The following PHF24 variants were observed in gnomAD, a reference collection of about 807,000 sequenced individuals.
PHF24 encodes the protein Galpha inhibitory interacting protein.
A neutral mutation model predicts 42.6 loss-of-function variants in PHF24; 25 were observed. The observed-to-expected ratio is 0.59, with a 90% confidence interval of 0.43 to 0.82. PHF24 has a LOEUF of 0.82. Ranked by LOEUF, PHF24 falls within the 40% of genes least tolerant of loss-of-function variation. The pLI, the probability that PHF24 is intolerant of heterozygous loss-of-function variation, is 0.00. For synonymous variants in PHF24, 185 were observed against 204.8 expected, an observed-to-expected ratio of 0.90 and a Z score of 0.83; for missense variants, 470 against 538.1, an observed-to-expected ratio of 0.87 and a Z score of 1.25.
the PHF24 span, among the ~76,000 whole-genome samples, chr9:34,915,239 C>T: frequency 7.3e-5 from 11 of 151,686 alleles, no homozygotes; most frequent in Admixed American, 3.9e-4. Context: ...TCACCAGACA[C>T]ATTTATTTTA....
At chr9:34,922,542 T>A in the PHF24 span, 2 of 985,432 alleles carry the variant, frequency 2.0e-6, no homozygotes, top group Non-Finnish European at 3.3e-6. Context: ...AGCCAAGTAA[T>A]GGTAGTGATC....
chr9:34,728,220 A>G, the PHF24 span: 1 of 704,226 alleles, frequency 1.4e-6, no homozygotes, highest in Admixed American at 3.0e-5. Context: ...GGCATGTCTG[A>G]GTACAGCATC....
the PHF24 span, among the ~76,000 whole-genome samples, chr9:34,705,451 CT>C: frequency 0.11 from 17,106 of 152,152 alleles, 2,038 homozygotes; most frequent in African/African-American, 0.3. Context: ...ACACCAGCTA[CT>C]TTTTTTTATT....
chr9:34,772,991 G>GT, the PHF24 span, among the ~76,000 whole-genome samples: 1,196 of 136,728 alleles, frequency 8.7e-3, 4 homozygotes, highest in Middle Eastern at 0.026. Context: ...TCAGAGTTCT[G>GT]TTTTTTTTTT....
chr9:34,753,350 G>A, the PHF24 span, among the ~76,000 whole-genome samples: 1 of 151,986 alleles, frequency 6.6e-6, no homozygotes, highest in African/African-American at 2.4e-5. Context: ...AATTCTATAT[G>A]TAATAACAAT....
chr9:34,871,592 A>G, the PHF24 span, among the ~76,000 whole-genome samples: 1 of 152,046 alleles, frequency 6.6e-6, no homozygotes, highest in Admixed American at 6.6e-5. Flanking sequence ...TAGGTCTATG[A>G]TCCATTTTGA....
the PHF24 span, chr9:34,917,732 G>T: frequency 4.9e-6 from 4 of 819,606 alleles, no homozygotes; most frequent in African/African-American, 5.0e-5. Context: ...CTGCTTGTAT[G>T]CTGGAGTCAG....
chr9:34,967,723 A>T (rs1281509584), intron 1 of PHF24, among the ~76,000 whole-genome samples: 1 of 152,224 alleles, frequency 6.6e-6, no homozygotes, highest in Non-Finnish European at 1.5e-5. Context: ...CAGCCCTGTC[A>T]CTTCAAGAAC....
the PHF24 span, among the ~76,000 whole-genome samples, chr9:34,730,407 A>G: frequency 9.8e-6 from 1 of 102,452 alleles, no homozygotes. Context: ...TGCTCTGGTA[A>G]TGGTGGTCTC....
At chr9:34,666,552 ATTTTT>A in the PHF24 span, among the ~76,000 whole-genome samples, 1 of 132,610 alleles carries the variant, frequency 7.5e-6, no homozygotes, top group Non-Finnish European at 1.6e-5. Flanking sequence ...TCTTCTTGTG[ATTTTT>A]TTTTTTTTTT....
chr9:34,938,118 T>C, the PHF24 span, among the ~76,000 whole-genome samples: 3 of 152,216 alleles, frequency 2.0e-5, no homozygotes, highest in African/African-American at 4.8e-5. Flanking sequence ...TTTTGTGTTT[T>C]GTTTAATGAA....
the PHF24 span, chr9:34,728,495 C>G: frequency 1.9e-5 from 19 of 979,762 alleles, no homozygotes; most frequent in Non-Finnish European, 2.8e-5. Flanking sequence ...GTCTGGGGAA[C>G]TGGAGTCTTC....
At chr9:34,909,763 A>T in the PHF24 span, among the ~76,000 whole-genome samples, 2 of 152,044 alleles carry the variant, frequency 1.3e-5, no homozygotes, top group African/African-American at 4.8e-5. Context: ...CTGGGACTAC[A>T]GGCATCCGCC....
chr9:34,855,031 C>A, the PHF24 span, among the ~76,000 whole-genome samples: 1 of 152,060 alleles, frequency 6.6e-6, no homozygotes, highest in Non-Finnish European at 1.5e-5. Flanking sequence ...ATATGTAATA[C>A]CCTTCTTTGG....
the PHF24 span, among the ~76,000 whole-genome samples, chr9:34,806,723 T>A: frequency 3.9e-3 from 589 of 152,342 alleles, 3 homozygotes; most frequent in East Asian, 5.4e-3. Flanking sequence ...CCTCCCAAAG[T>A]GCTGGCATTA....
At chr9:34,851,544 T>G in the PHF24 span, among the ~76,000 whole-genome samples, 5 of 152,224 alleles carry the variant, frequency 3.3e-5, no homozygotes, top group Admixed American at 3.3e-4. Context: ...CCCTGACCCC[T>G]TGCACTTCCC....
At chr9:34,689,788 G>A in the PHF24 span, 47 of 1,613,586 alleles carry the variant, frequency 2.9e-5, no homozygotes, top group East Asian at 2.7e-4. This position sits in a 1 kb window ranked among gnomAD's most constrained non-coding sequence, Gnocchi z 4.1. Context: ...TGCTTGACTC[G>A]GACTCCGGGC....
the PHF24 span, among the ~76,000 whole-genome samples, chr9:34,671,492 A>C: frequency 2.6e-5 from 4 of 152,224 alleles, no homozygotes; most frequent in African/African-American, 9.6e-5. Flanking sequence ...TCCAGAAAGC[A>C]GCCTGCCTTG....
At chr9:34,739,187 G>GTT in the PHF24 span, among the ~76,000 whole-genome samples, 1 of 152,160 alleles carries the variant, frequency 6.6e-6, no homozygotes, top group East Asian at 1.9e-4. Context: ...TTTATTCATA[G>GTT]TAAGAAAGTT....
Sources: gnomAD v4.1 joint callset for allele counts (sites outside exome capture counted in the v4.1 genomes callset) on GRCh38, gnomAD v4.1.1 for gene constraint, Gnocchi (gnomAD v3.1) non-coding constraint, MANE v1.5 for transcripts, NCBI Gene and HGNC (gene_info 2026-07-23, HGNC 2026-07-21) for gene names.